Variants in RIN3 observed in about 807,000 individuals in gnomAD.
The protein encoded by RIN3 is RAB5 interacting protein 3.
RIN3 carries 54 observed loss-of-function variants against 76.3 expected under a neutral mutation model. That is an observed-to-expected ratio of 0.71 (90% CI 0.57 to 0.89). RIN3 has a LOEUF of 0.89. Ranked by LOEUF, RIN3 falls within the 40% of genes least tolerant of loss-of-function variation. The pLI is 0.00. For missense variants in RIN3, 1,256 were observed against 1,322.1 expected (o/e 0.95, Z 0.78); for synonymous variants, 576 against 564.0 (o/e 1.02, Z -0.30).
intron 1 of RIN3, among the ~76,000 whole-genome samples, chr14:92,527,895 G>C (rs73326362): frequency 6.6e-6 from 1 of 151,688 alleles, no homozygotes; most frequent in African/African-American, 2.4e-5. Flanking sequence ...TCCCTTCCCC[G>C]CTCAGGCCTG....
Position 92,648,966 on chromosome 14 carries a change from G to A in RIN3, c.533-2616G>A, listed in dbSNP as rs115450626. On this transcript the variant is annotated intron_variant, in intron 5 of 9. Transcript: ENST00000216487. The surrounding 1 kb of genome is among the most constrained non-coding windows in gnomAD (Gnocchi z 4.1). ...AGCCAAGACCTGCTGGTGGGGCAGC[G>A]CATGGCACGTGGAGGAAGGAGTGAA... 1.5e-4 allele frequency among the ~76,000 whole-genome samples: 23 copies of A among 152,166 alleles called. No individual in the cohort carries two copies. The highest frequency in any genetic ancestry group is 4.1e-4 in the South Asian group (2 of 4,824).
rs534576412 is a variant in RIN3, at chr14:92,576,351, C to G, written c.250-1009C>G. ...AGCGTGAGAAGGAGAAGCGAGTGTC[C>G]GTCAACATGCTGGCTCTGGGTGAGA... On this transcript the variant is annotated intron_variant, in intron 2 of 9. Transcript: ENST00000216487. The G allele has an allele frequency of 3.9e-6, 5 of 1,289,822 alleles. No homozygotes were observed. The East Asian group carries it at 1.7e-4, about 43-fold the overall frequency. The allele number at this position is 1,289,822 out of a possible 1,614,324, so 79.9% of individuals were successfully genotyped here.
rs1174002289 is a variant in RIN3, at chr14:92,568,849, G to C, written c.250-8511G>C. On this transcript the variant is annotated intron_variant, in intron 2 of 9. Transcript: ENST00000216487. The surrounding 1 kb of genome is among the most constrained non-coding windows in gnomAD (Gnocchi z 4.2). ...TGGGTTCGGAGCTGGGGAGCTGGCA[G>C]AGTCCAACCTTGGGGACTTTCCAGC... Among the ~76,000 whole-genome samples, 2 of 152,264 alleles carry C rather than the reference G, an allele frequency of 1.3e-5. No homozygotes were observed. Among genetic ancestry groups the C allele is most frequent in the Non-Finnish European group, 2.9e-5 (2 of 68,048 alleles).
chr14:92,565,973 T>G (rs1470350330), intron 2 of RIN3, among the ~76,000 whole-genome samples: 1 of 152,240 alleles, frequency 6.6e-6, no homozygotes, highest in Non-Finnish European at 1.5e-5. Context: ...AAAGTCAAGA[T>G]GGATCACCTC....
At chr14:92,521,250 C>T (rs1896589538) in intron 1 of RIN3, among the ~76,000 whole-genome samples, 1 of 151,778 alleles carries the variant, frequency 6.6e-6, no homozygotes. Flanking sequence ...TCTATCCATC[C>T]ATGCATCCAT....
chr14:92,582,739 C>T (rs181594047), intron 3 of RIN3, among the ~76,000 whole-genome samples: 43 of 152,292 alleles, frequency 2.8e-4, no homozygotes, highest in Non-Finnish European at 5.0e-4. Context: ...AGGCGTGAGC[C>T]ACCCCGCCTG....
chr14:92,661,316 G>A (rs1170826947), intron 7 of RIN3, among the ~76,000 whole-genome samples: 2 of 152,220 alleles, frequency 1.3e-5, no homozygotes, highest in Non-Finnish European at 2.9e-5. Context: ...GGGGTATGGT[G>A]CCAGATCCCC....
At chr14:92,644,042 A>G (rs1595478668) in intron 5 of RIN3, among the ~76,000 whole-genome samples, 1 of 152,020 alleles carries the variant, frequency 6.6e-6, no homozygotes, top group South Asian at 2.1e-4. Context: ...TTGAGCAGCT[A>G]TGTGAAACAT....
chr14:92,568,901 C>T lies in RIN3; in HGVS notation c.250-8459C>T, dbSNP rs892981915. ...CTGTCGACAAGCTGTGTAGATAACACAGCCCAACAGCGAGAGGGGAGCGAG... is the reference window on the plus strand; with the variant it reads ...CTGTCGACAAGCTGTGTAGATAACATAGCCCAACAGCGAGAGGGGAGCGAG... On this transcript the variant is annotated intron_variant, in intron 2 of 9. Transcript: ENST00000216487. The surrounding 1 kb of genome is among the most constrained non-coding windows in gnomAD (Gnocchi z 4.2). Among the ~76,000 whole-genome samples, 2 of 152,138 alleles carry T rather than the reference C, an allele frequency of 1.3e-5. No homozygotes were observed. The highest frequency in any genetic ancestry group is 1.9e-4 in the East Asian group (1 of 5,186).
intron 3 of RIN3, among the ~76,000 whole-genome samples, chr14:92,596,698 G>T (rs746326730): frequency 1.2e-4 from 19 of 152,274 alleles, no homozygotes; most frequent in Non-Finnish European, 2.6e-4. Flanking sequence ...GTATATTAAC[G>T]TGCTTTATGT....
At chr14:92,525,435 T>C (rs555995448) in intron 1 of RIN3, among the ~76,000 whole-genome samples, 1 of 148,914 alleles carries the variant, frequency 6.7e-6, no homozygotes, top group African/African-American at 2.5e-5. Flanking sequence ...GAGCGAGAGA[T>C]TGAGGGGAGG....
chr14:92,583,023 G>A (rs1884614650), intron 3 of RIN3, among the ~76,000 whole-genome samples: 1 of 152,132 alleles, frequency 6.6e-6, no homozygotes, highest in South Asian at 2.1e-4. Flanking sequence ...ACCTCTCCAG[G>A]CCTCAGTTGC....
chr14:92,613,133 T>C (rs1885810754), intron 3 of RIN3, among the ~76,000 whole-genome samples: 1 of 152,220 alleles, frequency 6.6e-6, no homozygotes, highest in Non-Finnish European at 1.5e-5. Flanking sequence ...CTCCAGGCAT[T>C]CCTGAGGAAG....
intron 9 of RIN3, chr14:92,687,039 A>T (rs1888884673): frequency 6.6e-6 from 1 of 152,304 alleles, no homozygotes; most frequent in Admixed American, 6.5e-5. Flanking sequence ...CTTCCCGCGC[A>T]GGCCTGCTGT....
intron 2 of RIN3, among the ~76,000 whole-genome samples, chr14:92,575,169 A>C (rs375098184): frequency 2.0e-4 from 30 of 152,176 alleles, no homozygotes; most frequent in African/African-American, 6.3e-4. Context: ...ACAACTATAG[A>C]ATAACAATGA....
intron 3 of RIN3, among the ~76,000 whole-genome samples, chr14:92,591,754 A>G (rs1749205034): frequency 6.6e-6 from 1 of 151,934 alleles, no homozygotes; most frequent in African/African-American, 2.4e-5. Flanking sequence ...TCAAAAGTGA[A>G]GGAAAAATAA....
At chr14:92,680,881 G>A (rs578111811) in intron 8 of RIN3, among the ~76,000 whole-genome samples, 110 of 152,338 alleles carry the variant, frequency 7.2e-4, no homozygotes, top group African/African-American at 2.6e-3. Flanking sequence ...GAGACATCAG[G>A]GACTTGTGCA....
In RIN3 at chr14:92,609,645, C is replaced by T. The variant is rs142197445; in HGVS notation, c.368-5762C>T. On this transcript the variant is annotated intron_variant, in intron 3 of 9. Coordinates refer to ENST00000216487, the MANE Select transcript of RIN3 (RefSeq NM_024832.5). Reference sequence around the variant, plus strand: ...GGCAGGTTCATGGGTGATGTGGTCTCCTGGGCAGTAGGTGGCACGGGGGCT... The same window carrying T: ...GGCAGGTTCATGGGTGATGTGGTCTTCTGGGCAGTAGGTGGCACGGGGGCT... 8.1e-3 allele frequency among the ~76,000 whole-genome samples: 1,238 copies of T among 152,186 alleles called. 15 individuals carry two copies. The highest frequency in any genetic ancestry group is 0.028 in the African/African-American group (1,171 of 41,510).
At chr14:92,615,509 T>A in intron 4 of RIN3, 30 bp downstream of exon 4, 1 of 1,588,554 alleles carries the variant, frequency 6.3e-7, no homozygotes, top group Non-Finnish European at 8.6e-7. Flanking sequence ...CAGGAGGTTA[T>A]CTGGTTGTAG....
Sources: allele counts gnomAD v4.1 joint callset (sites outside exome capture counted in the v4.1 genomes callset), GRCh38; gene constraint gnomAD v4.1.1; non-coding constraint Gnocchi (gnomAD v3.1); transcripts MANE v1.5; gene names NCBI Gene and HGNC (gene_info 2026-07-23, HGNC 2026-07-21).